MRPL42: variants seen among roughly 807,000 people sequenced by gnomAD.
MRPL42 encodes the protein mitochondrial ribosomal protein L42, also known as large ribosomal subunit protein mL42.
In MRPL42, 17 loss-of-function variants were observed where a neutral mutation model predicts 17.9. The ratio of observed to expected loss-of-function variants is 0.95; its 90% CI spans 0.65 to 1.42. The LOEUF (loss-of-function observed/expected upper bound fraction) is 1.42, where lower values mean the gene tolerates loss of function less well. MRPL42 is among the 40% of genes most tolerant of loss of function. The pLI, the probability that MRPL42 is intolerant of heterozygous loss-of-function variation, is 0.00. For synonymous variants in MRPL42, 59 were observed against 54.4 expected (o/e 1.08, Z -0.37); for missense variants, 177 against 175.2 (o/e 1.01, Z -0.06).
chr12:93,494,827 C>G (rs962571509), intron 5 of MRPL42, among the ~76,000 whole-genome samples: 1 of 152,058 alleles, frequency 6.6e-6, no homozygotes, highest in Non-Finnish European at 1.5e-5. Flanking sequence ...AGGGAAGCAC[C>G]AAGATAAATC....
At position 93,501,983 on chromosome 12, in the gene MRPL42, C is replaced by A. The variant is rs1241269001; in HGVS notation, c.*762C>A. 7.1e-6 allele frequency: 1 copy of A among 140,368 alleles called. No homozygotes were observed. Among genetic ancestry groups the A allele is most frequent in the Non-Finnish European group, 1.6e-5 (1 of 61,888 alleles). The allele number at this position is 140,368 out of a possible 1,614,324, so 8.7% of individuals were successfully genotyped here. On this transcript the variant is annotated 3_prime_UTR_variant, in exon 6 of 6. Coordinates refer to ENST00000549982, the MANE Select transcript of MRPL42 (RefSeq NM_014050.4). Reference sequence around the variant, plus strand: ...ATCCTTTGAAAAGGGAGTATAATTACATTTTACAGTGACTCGAACCTTACC... The same window carrying A: ...ATCCTTTGAAAAGGGAGTATAATTAAATTTTACAGTGACTCGAACCTTACC...
chr12:93,499,926 A>T (rs1410754696), intron 5 of MRPL42, among the ~76,000 whole-genome samples: 3 of 152,192 alleles, frequency 2.0e-5, no homozygotes, highest in South Asian at 4.1e-4. Flanking sequence ...AAGATTGAAA[A>T]CAAAAATTAA....
intron 2 of MRPL42, chr12:93,470,588 T>C (rs1170091404): frequency 1.6e-6 from 2 of 1,232,036 alleles, no homozygotes; most frequent in Non-Finnish European, 2.1e-6. Flanking sequence ...TAGTACCCAA[T>C]AGGTAGTTTT....
At position 93,501,673 on chromosome 12, in the gene MRPL42, A is replaced by C. The variant is rs1481667693; in HGVS notation, c.*452A>C. ...AGGTTTATTGGGATGTAACCCTATG[A>C]TAAGTTGAGAAACATCTCTTTTTGT... On this transcript the variant is annotated 3_prime_UTR_variant, in exon 6 of 6. Transcript: ENST00000549982. 1 of 152,342 alleles carries C rather than the reference A, an allele frequency of 6.6e-6. No homozygotes were observed. Among genetic ancestry groups the C allele is most frequent in the East Asian group, 1.9e-4 (1 of 5,204 alleles). 9.4% of individuals were successfully genotyped at this position (152,342 alleles called of 1,614,324 possible).
At chr12:93,499,776 A>G (rs757217615) in intron 5 of MRPL42, among the ~76,000 whole-genome samples, 4 of 152,236 alleles carry the variant, frequency 2.6e-5, no homozygotes, top group Non-Finnish European at 5.9e-5. Context: ...ATTTTCAAAA[A>G]TAAAATCAGT....
chr12:93,491,625 T>G (rs1241118659), intron 5 of MRPL42, among the ~76,000 whole-genome samples: 4 of 152,172 alleles, frequency 2.6e-5, no homozygotes, highest in Non-Finnish European at 5.9e-5. Context: ...TAAGGATTTT[T>G]TTTTTGTTGT....
intron 5 of MRPL42, among the ~76,000 whole-genome samples, chr12:93,490,306 T>C (rs754446155): frequency 5.9e-5 from 9 of 152,358 alleles, no homozygotes; most frequent in Non-Finnish European, 7.3e-5. Flanking sequence ...AGCTTTTGAC[T>C]GCTAGTTAAT....
rs190166051 is a variant in MRPL42 at position 93,515,408 on chromosome 12, G to C, written c.*14187G>C. 1 of 145,174 alleles carries C rather than the reference G, an allele frequency of 6.9e-6. No individual in the cohort carries two copies. Among genetic ancestry groups the C allele is most frequent in the Non-Finnish European group, 1.5e-5 (1 of 66,758 alleles). 9.0% of individuals were successfully genotyped at this position (145,174 alleles called of 1,614,324 possible). ...TTTTGAGACAGAGACTTGCTGTGTT[G>C]CCCAGGCTGGAGTGCAGTGGGGTGA... is the stretch of plus-strand genomic sequence containing the variant. On this transcript the variant is annotated 3_prime_UTR_variant, in exon 6 of 6. Transcript: ENST00000549982.
Position 93,508,099 on chromosome 12 carries a change from A to T in MRPL42, c.*6878A>T, listed in dbSNP as rs964314282. 4 of 152,340 alleles carry T rather than the reference A, an allele frequency of 2.6e-5. No homozygotes were observed. Among genetic ancestry groups the T allele is most frequent in the Admixed American group, 6.5e-5 (1 of 15,272 alleles). 9.4% of individuals were successfully genotyped at this position (152,340 alleles called of 1,614,324 possible). A position where few individuals can be genotyped will look rare whatever the true frequency, so the allele number is the denominator to read the frequency against. On this transcript the variant is annotated 3_prime_UTR_variant, in exon 6 of 6. Coordinates refer to ENST00000549982, the MANE Select transcript of MRPL42 (RefSeq NM_014050.4). Reference sequence around the variant, plus strand: ...GTAGCTGAGATTACAGGCATGAGCCACCACGCCCAGCTAATTTTGTATTTT... The same window carrying T: ...GTAGCTGAGATTACAGGCATGAGCCTCCACGCCCAGCTAATTTTGTATTTT...
At chr12:93,467,736 G>T (rs750852703) in intron 1 of MRPL42, among the ~76,000 whole-genome samples, 182 bp downstream of exon 1, 1 of 152,214 alleles carries the variant, frequency 6.6e-6, no homozygotes, top group Non-Finnish European at 1.5e-5. Context: ...TTCTTATAGC[G>T]CCCCCTTTGT....
rs1241518549 is a variant in MRPL42, at chr12:93,513,802, A to T, written c.*12581A>T. On this transcript the variant is annotated 3_prime_UTR_variant, in exon 6 of 6. Coordinates refer to ENST00000549982, the MANE Select transcript of MRPL42 (RefSeq NM_014050.4). ...ATTTCATTTTATAATTTATAAAAGTACTAGACCACAATGGATTAAAGAACT... is the reference window on the plus strand; with the variant it reads ...ATTTCATTTTATAATTTATAAAAGTTCTAGACCACAATGGATTAAAGAACT... The T allele has an allele frequency of 1.3e-5, 2 of 152,230 alleles. No homozygotes were observed. The highest frequency in any genetic ancestry group is 2.9e-5 in the Non-Finnish European group (2 of 68,044). The allele number at this position is 152,230 out of a possible 1,614,324, so 9.4% of individuals were successfully genotyped here. A position where few individuals can be genotyped will look rare whatever the true frequency, so the allele number is the denominator to read the frequency against.
chr12:93,488,677 C>T (rs1953357329), intron 5 of MRPL42, among the ~76,000 whole-genome samples: 1 of 152,040 alleles, frequency 6.6e-6, no homozygotes, highest in African/African-American at 2.4e-5. Flanking sequence ...TTCTCAGTTC[C>T]CTTGGAAACT....
intron 5 of MRPL42, among the ~76,000 whole-genome samples, chr12:93,496,950 G>A (rs926972698): frequency 6.6e-6 from 1 of 152,004 alleles, no homozygotes; most frequent in African/African-American, 2.4e-5. Flanking sequence ...AACACTTCAA[G>A]CACACAACTA....
chr12:93,502,584 C>A lies in MRPL42; in HGVS notation c.*1363C>A, dbSNP rs538683135. ...CCCTCTGTTAAGTGGTTTACTTTTT[C>A]CATTAATATAAATTTCATTTGGAAA... is the stretch of plus-strand genomic sequence containing the variant. On this transcript the variant is annotated 3_prime_UTR_variant, in exon 6 of 6. Coordinates refer to ENST00000549982, the MANE Select transcript of MRPL42 (RefSeq NM_014050.4). 6.6e-6 allele frequency: 1 copy of A among 151,736 alleles called. No homozygotes were observed. Among genetic ancestry groups the A allele is most frequent in the Non-Finnish European group, 1.5e-5 (1 of 67,944 alleles). 9.4% of individuals were successfully genotyped at this position (151,736 alleles called of 1,614,324 possible). A position where few individuals can be genotyped will look rare whatever the true frequency, so the allele number is the denominator to read the frequency against.
In MRPL42 at chr12:93,479,377, C is replaced by T. The variant is rs191668241; in HGVS notation, c.135-11C>T. 2 of 1,545,268 alleles carry T rather than the reference C, an allele frequency of 1.3e-6. No individual in the cohort carries two copies. Among genetic ancestry groups the T allele is most frequent in the Non-Finnish European group, 1.8e-6 (2 of 1,137,012 alleles). Reference sequence around the variant, plus strand: ...AGTATAACTTTATTTCTAAAACATTCTTTTTTTTAGCAACGTAGAGCTTGC... The same window carrying T: ...AGTATAACTTTATTTCTAAAACATTTTTTTTTTTAGCAACGTAGAGCTTGC... On this transcript the variant is annotated splice_polypyrimidine_tract_variant and intron_variant, in intron 3 of 5. Coordinates refer to ENST00000549982, the MANE Select transcript of MRPL42 (RefSeq NM_014050.4).
At chr12:93,489,828 T>G (rs922909998) in intron 5 of MRPL42, among the ~76,000 whole-genome samples, 93 of 152,304 alleles carry the variant, frequency 6.1e-4, no homozygotes, top group African/African-American at 2.2e-3. Flanking sequence ...GAGCCACTGC[T>G]CCCGGCCTTC....
rs563253224 is a variant in MRPL42, at chr12:93,473,488, A to G, written c.71-3466A>G. ...CTCTTGTTGCCCAGGCTGGAGTGCAATGGCATGATCTTGGCCCACTGCAAC... is the reference window on the plus strand; with the variant it reads ...CTCTTGTTGCCCAGGCTGGAGTGCAGTGGCATGATCTTGGCCCACTGCAAC... On this transcript the variant is annotated intron_variant, in intron 2 of 5. Transcript: ENST00000549982. Among the ~76,000 whole-genome samples the G allele has an allele frequency of 2.3e-4, 35 of 152,136 alleles. 1 individual carries two copies. Among genetic ancestry groups the G allele is most frequent in the African/African-American group, 8.2e-4 (34 of 41,512 alleles).
intron 4 of MRPL42, among the ~76,000 whole-genome samples, chr12:93,484,362 C>T (rs1441380983): frequency 3.3e-5 from 5 of 152,020 alleles, no homozygotes; most frequent in African/African-American, 7.2e-5. Context: ...TGTAGCCTGC[C>T]GTTATTTATT....
chr12:93,489,575 C>A (rs979963609), intron 5 of MRPL42, among the ~76,000 whole-genome samples: 1 of 151,900 alleles, frequency 6.6e-6, no homozygotes, highest in Admixed American at 6.6e-5. Context: ...GCTCTGTCAC[C>A]TAGGCTGGAG....
Sources: allele counts gnomAD v4.1 joint callset (sites outside exome capture counted in the v4.1 genomes callset), GRCh38; gene constraint gnomAD v4.1.1; transcripts MANE v1.5; gene names NCBI Gene and HGNC (gene_info 2026-07-23, HGNC 2026-07-21).